EXOC5: variants seen among roughly 807,000 people sequenced by gnomAD.
EXOC5 encodes the protein exocyst complex component 5.
Under a neutral mutation model 90.8 loss-of-function variants are expected in EXOC5, and 17 were observed. The ratio of observed to expected loss-of-function variants is 0.19; its 90% CI spans 0.13 to 0.28. EXOC5 has a LOEUF of 0.28. EXOC5 is among the 10% of genes least tolerant of loss of function. EXOC5 has a pLI of 1.00. For missense variants in EXOC5, 569 were observed against 830.6 expected, an observed-to-expected ratio of 0.69 and a Z score of 3.87; for synonymous variants, 260 against 270.0, an observed-to-expected ratio of 0.96 and a Z score of 0.36.
chr14:57,256,556 T>C (rs1357996412), intron 1 of EXOC5, among the ~76,000 whole-genome samples: 2 of 152,084 alleles, frequency 1.3e-5, no homozygotes, highest in Non-Finnish European at 2.9e-5. Context: ...GCTCCCCAAA[T>C]GTATATGAAG....
rs971904136 is a variant in EXOC5 at position 57,206,796 on chromosome 14, C to G, written c.*1813G>C. ...CCAAACAAAATAATTTGAAGCACTT[C>G]TCTGATTTGGAAGTCTTAAAATGTT... is the stretch of plus-strand genomic sequence containing the variant. On this transcript the variant is annotated 3_prime_UTR_variant, in exon 18 of 18. Coordinates refer to ENST00000621441, the MANE Select transcript of EXOC5 (RefSeq NM_006544.4). 2 of 152,414 alleles carry G rather than the reference C, an allele frequency of 1.3e-5. No homozygotes were observed. Among genetic ancestry groups the G allele is most frequent in the African/African-American group, 2.4e-5 (1 of 41,408 alleles). 9.4% of individuals were successfully genotyped at this position (152,414 alleles called of 1,614,324 possible). A position where few individuals can be genotyped will look rare whatever the true frequency, so the allele number is the denominator to read the frequency against.
At chr14:57,220,219 G>A (rs766245044) in intron 13 of EXOC5, among the ~76,000 whole-genome samples, 4 of 138,018 alleles carry the variant, frequency 2.9e-5, no homozygotes, top group African/African-American at 8.2e-5. Flanking sequence ...CCCTGCCCCC[G>A]CAAGTAAAAG....
Position 57,203,800 on chromosome 14 carries a change from AATT to A in EXOC5, c.*4806_*4808del, listed in dbSNP as rs1238959182. 1.3e-5 allele frequency: 2 copies of A among 152,614 alleles called. No homozygotes were observed. Among genetic ancestry groups the A allele is most frequent in the African/African-American group, 4.8e-5 (2 of 41,448 alleles). The allele number at this position is 152,614 out of a possible 1,614,324, so 9.5% of individuals were successfully genotyped here. On this transcript the variant is annotated 3_prime_UTR_variant, in exon 18 of 18. Coordinates refer to ENST00000621441, the MANE Select transcript of EXOC5 (RefSeq NM_006544.4). The stretch of plus-strand genomic sequence containing the variant: ...AAATATTAGTATCTTGGCTAAAATG[AATT>A]ATTGACAATTTTAATACATGTTGCA...
chr14:57,261,573 G>C (rs1482917408), intron 1 of EXOC5, among the ~76,000 whole-genome samples: 1 of 152,212 alleles, frequency 6.6e-6, no homozygotes, highest in African/African-American at 2.4e-5. Flanking sequence ...CTCTGTTACA[G>C]TTATCTATTG....
intron 12 of EXOC5, among the ~76,000 whole-genome samples, 194 bp downstream of exon 12, chr14:57,229,540 A>G (rs1483291864): frequency 6.6e-6 from 1 of 152,162 alleles, no homozygotes; most frequent in Non-Finnish European, 1.5e-5. Context: ...TAATATATAT[A>G]AATAATTATA....
intron 5 of EXOC5, chr14:57,237,823 T>C (rs921455689): frequency 1.3e-5 from 2 of 152,752 alleles, no homozygotes; most frequent in African/African-American, 4.8e-5. Context: ...TCCATCATTA[T>C]TATTCAAAAG....
rs1326778249 is a variant in EXOC5 at position 57,202,673 on chromosome 14, C to T, written c.*5936G>A. On this transcript the variant is annotated 3_prime_UTR_variant, in exon 18 of 18. Coordinates refer to ENST00000621441, the MANE Select transcript of EXOC5 (RefSeq NM_006544.4). ...TAATCATGGTAAACTTTGTTCAATT[C>T]CTGTGTCCACTGTGCACATGTTCTT... 6.6e-6 allele frequency: 1 copy of T among 152,094 alleles called. No homozygotes were observed. Among genetic ancestry groups the T allele is most frequent in the Non-Finnish European group, 1.5e-5 (1 of 68,008 alleles). The allele number at this position is 152,094 out of a possible 1,614,324, so 9.4% of individuals were successfully genotyped here. A position where few individuals can be genotyped will look rare whatever the true frequency, so the allele number is the denominator to read the frequency against.
intron 1 of EXOC5, among the ~76,000 whole-genome samples, chr14:57,248,094 GTTTT>G (rs200141338): frequency 1.4e-5 from 2 of 140,266 alleles, no homozygotes; most frequent in Admixed American, 7.2e-5. Flanking sequence ...ATCTCACAAA[GTTTT>G]TTTTTTTTTT....
At chr14:57,211,084 CTGTT>C (rs1393071971) in intron 15 of EXOC5, among the ~76,000 whole-genome samples, 3 of 151,688 alleles carry the variant, frequency 2.0e-5, no homozygotes, top group African/African-American at 7.3e-5. Flanking sequence ...TTAGAAGTCT[CTGTT>C]TGATTTTGTA....
chr14:57,238,363 TATATATATATATACACACACAC>T lies in EXOC5; in HGVS notation c.531-1019_531-998del, dbSNP rs1388089806. On this transcript the variant is annotated intron_variant, in intron 5 of 17. Transcript: ENST00000621441. ...TCCTAATTAGACATATATATATATA[TATATATATATATACACACACAC>T]ACACACACACACACACACACACACA... Among the ~76,000 whole-genome samples, 11 of 94,090 alleles carry T rather than the reference TATATATATATATACACACACAC, an allele frequency of 1.2e-4. No individual in the cohort carries two copies. The East Asian group carries it at 2.5e-3, about 22-fold the overall frequency. 61.7% of individuals were successfully genotyped at this position (94,090 alleles called of 152,430 possible).
chr14:57,254,417 A>G (rs938601665), intron 1 of EXOC5, among the ~76,000 whole-genome samples: 16 of 152,014 alleles, frequency 1.1e-4, no homozygotes, highest in Non-Finnish European at 2.1e-4. Flanking sequence ...CCTGGGTAAC[A>G]GAGTGAGTGA....
chr14:57,232,146 C>T (rs920504383), intron 10 of EXOC5: 1 of 158,446 alleles, frequency 6.3e-6, no homozygotes, highest in Non-Finnish European at 1.4e-5. Context: ...AGGGTCATAA[C>T]AGTGTTGTTG....
chr14:57,251,528 G>A (rs1298555862), intron 1 of EXOC5, among the ~76,000 whole-genome samples: 2 of 152,142 alleles, frequency 1.3e-5, no homozygotes, highest in Non-Finnish European at 2.9e-5. Context: ...AGGACACAGT[G>A]AAGGCAGTGC....
At chr14:57,249,929 T>C (rs962704879) in intron 1 of EXOC5, among the ~76,000 whole-genome samples, 3 of 152,060 alleles carry the variant, frequency 2.0e-5, no homozygotes, top group Non-Finnish European at 2.9e-5. Context: ...TGCACCACTA[T>C]GCTTGGCTAA....
chr14:57,220,973 T>C (rs1034863860), intron 13 of EXOC5, among the ~76,000 whole-genome samples: 3 of 152,174 alleles, frequency 2.0e-5, no homozygotes, highest in Admixed American at 6.5e-5. Context: ...TTAATAAGCA[T>C]GTGTTAAATG....
intron 15 of EXOC5, among the ~76,000 whole-genome samples, chr14:57,211,277 C>T (rs1882817736): frequency 6.6e-6 from 1 of 152,186 alleles, no homozygotes; most frequent in African/African-American, 2.4e-5. Context: ...ACTACCAGTC[C>T]ATGAATGAGC....
intron 12 of EXOC5, among the ~76,000 whole-genome samples, chr14:57,222,707 T>C (rs1883183692): frequency 6.6e-6 from 1 of 150,944 alleles, no homozygotes; most frequent in Non-Finnish European, 1.5e-5. Context: ...CATATATATA[T>C]ATATATACCC....
chr14:57,240,473 G>A (rs1233982753), intron 4 of EXOC5, among the ~76,000 whole-genome samples: 1 of 151,930 alleles, frequency 6.6e-6, no homozygotes, highest in East Asian at 1.9e-4. Flanking sequence ...GTAGACACGG[G>A]GTTTCTTTAT....
intron 1 of EXOC5, among the ~76,000 whole-genome samples, chr14:57,259,179 G>A (rs1230303795): frequency 9.3e-5 from 14 of 151,066 alleles, no homozygotes; most frequent in Admixed American, 9.2e-4. Context: ...GTACAATCTC[G>A]GCTCCGCCTC....
Sources: gnomAD v4.1 joint callset for allele counts (sites outside exome capture counted in the v4.1 genomes callset) on GRCh38, gnomAD v4.1.1 for gene constraint, MANE v1.5 for transcripts, NCBI Gene and HGNC (gene_info 2026-07-23, HGNC 2026-07-21) for gene names.